PTDSS1: variants seen among roughly 807,000 people sequenced by gnomAD.
PTDSS1 encodes PSS-1.
In PTDSS1, 45 loss-of-function variants were observed where a neutral mutation model predicts 70.5. The ratio of observed to expected loss-of-function variants is 0.64; its 90% CI spans 0.50 to 0.82. PTDSS1 has a LOEUF of 0.82. PTDSS1 is among the 40% of genes least tolerant of loss of function. The probability of loss-of-function intolerance (pLI) is 0.00; values close to 1 mark genes in which losing one functional copy is unlikely to be tolerated. For missense variants in PTDSS1, 417 were observed against 586.1 expected (o/e 0.71, Z 2.98); for synonymous variants, 188 against 203.8 (o/e 0.92, Z 0.66).
intron 9 of PTDSS1, among the ~76,000 whole-genome samples, chr8:96,319,018 A>G (rs950971732): frequency 2.1e-5 from 3 of 142,532 alleles, no homozygotes; most frequent in African/African-American, 7.9e-5. Flanking sequence ...GGCTCAAGTG[A>G]TTCTCCTGCC....
At chr8:96,263,790 C>T (rs1810448743) in intron 1 of PTDSS1, among the ~76,000 whole-genome samples, 4 of 152,220 alleles carry the variant, frequency 2.6e-5, no homozygotes, top group South Asian at 4.1e-4. Flanking sequence ...TTGTCTTCTA[C>T]ACAGTCGTTT....
chr8:96,319,965 G>A (rs959327881), intron 9 of PTDSS1, among the ~76,000 whole-genome samples: 2 of 152,210 alleles, frequency 1.3e-5, no homozygotes, highest in Admixed American at 1.3e-4. Context: ...CCTTATGGCA[G>A]TGGAGGTGCT....
chr8:96,307,630 A>G (rs115919936), intron 8 of PTDSS1, among the ~76,000 whole-genome samples: 214 of 152,230 alleles, frequency 1.4e-3, no homozygotes, highest in African/African-American at 4.4e-3. Flanking sequence ...TTAGTGGTCT[A>G]TTGCAGTCAT....
At chr8:96,299,566 A>T in intron 5 of PTDSS1, 128 bp from the exon 6 acceptor site, 2 of 1,026,130 alleles carry the variant, frequency 1.9e-6, no homozygotes, top group Non-Finnish European at 2.8e-6. Context: ...TATTTTCTGT[A>T]CATTAGGAAA....
Position 96,288,469 on chromosome 8 carries a change from C to T in PTDSS1, c.441+1323C>T, listed in dbSNP as rs187325313. 4.4e-3 allele frequency among the ~76,000 whole-genome samples: 668 copies of T among 152,028 alleles called. 6 individuals carry two copies. The highest frequency in any genetic ancestry group is 5.9e-3 in the Non-Finnish European group (402 of 67,962). On this transcript the variant is annotated intron_variant, in intron 4 of 12. Coordinates refer to ENST00000517309, the MANE Select transcript of PTDSS1 (RefSeq NM_014754.3). ...CCTCCCGAATAGCTAGGATTACAGG[C>T]GCCTGCCACTACACCCGGCTAACTT...
At chr8:96,298,786 G>T (rs182128606) in intron 5 of PTDSS1, among the ~76,000 whole-genome samples, 7 of 152,066 alleles carry the variant, frequency 4.6e-5, no homozygotes, top group Non-Finnish European at 7.4e-5. Context: ...ATAAACATCT[G>T]ATCCCAGCAC....
intron 5 of PTDSS1, among the ~76,000 whole-genome samples, chr8:96,296,640 G>A (rs1325347823): frequency 6.6e-6 from 1 of 152,148 alleles, no homozygotes; most frequent in Non-Finnish European, 1.5e-5. Flanking sequence ...CAATTCAACC[G>A]ATCCATAATA....
At chr8:96,310,167 C>CT (rs1365223934) in intron 9 of PTDSS1, among the ~76,000 whole-genome samples, 7 of 130,914 alleles carry the variant, frequency 5.3e-5, no homozygotes, top group African/African-American at 2.1e-4. Context: ...ATGGATCTCT[C>CT]TCTTTTTTTT....
intron 7 of PTDSS1, among the ~76,000 whole-genome samples, chr8:96,304,698 T>C (rs1275620686): frequency 6.6e-6 from 1 of 152,228 alleles, no homozygotes; most frequent in African/African-American, 2.4e-5. Context: ...AGTGGCCCAC[T>C]TCACGACGGA....
Position 96,261,942 on chromosome 8 carries a change from T to A in PTDSS1, c.-99T>A. The A allele has an allele frequency of 7.7e-7, 1 of 1,302,686 alleles. No homozygotes were observed. The highest frequency in any genetic ancestry group is 1.0e-6 in the Non-Finnish European group (1 of 957,358). The allele number at this position is 1,302,686 out of a possible 1,614,324, so 80.7% of individuals were successfully genotyped here. ...CTTTGCTGGGCGCCAGACCCGGCTTTGCCGTCCGGCTATTAGCCTACTGTG... is the reference window on the plus strand; with the variant it reads ...CTTTGCTGGGCGCCAGACCCGGCTTAGCCGTCCGGCTATTAGCCTACTGTG... On this transcript the variant is annotated 5_prime_UTR_variant, in exon 1 of 13. Transcript: ENST00000517309.
At chr8:96,304,244 A>C in intron 7 of PTDSS1, 63 bp downstream of exon 7, 1 of 1,517,068 alleles carries the variant, frequency 6.6e-7, no homozygotes, top group Non-Finnish European at 8.9e-7. Flanking sequence ...ACTTTTTAGG[A>C]ATTTAGAGTT....
chr8:96,285,827 A>C (rs1051939460), intron 3 of PTDSS1, among the ~76,000 whole-genome samples: 5 of 152,156 alleles, frequency 3.3e-5, no homozygotes, highest in African/African-American at 1.2e-4. Flanking sequence ...TTTCTGTCCT[A>C]ATGTAATTAT....
intron 6 of PTDSS1, among the ~76,000 whole-genome samples, chr8:96,301,560 C>T (rs908701710): frequency 5.9e-5 from 9 of 151,854 alleles, no homozygotes; most frequent in African/African-American, 1.9e-4. Flanking sequence ...ACTCTTGTTG[C>T]CCAGGCTGGA....
At chr8:96,303,979 G>T (rs889343238) in intron 6 of PTDSS1, 61 bp from the exon 7 acceptor site, 19 of 1,500,616 alleles carry the variant, frequency 1.3e-5, no homozygotes, top group South Asian at 1.0e-4. Flanking sequence ...TTTTTTTCTT[G>T]TGCTTTGTTT....
chr8:96,310,290 A>G (rs1811190209), intron 9 of PTDSS1, among the ~76,000 whole-genome samples: 1 of 148,092 alleles, frequency 6.8e-6, no homozygotes, highest in South Asian at 2.1e-4. Flanking sequence ...TCAGCCTCCC[A>G]AGTAGCTGGG....
chr8:96,271,517 A>G (rs1810565801), intron 1 of PTDSS1, among the ~76,000 whole-genome samples: 1 of 152,208 alleles, frequency 6.6e-6, no homozygotes, highest in East Asian at 1.9e-4. Flanking sequence ...AATCTGGGAT[A>G]TATGTCATTT....
At chr8:96,307,449 C>CA (rs56284473) in intron 8 of PTDSS1, among the ~76,000 whole-genome samples, 853 of 50,640 alleles carry the variant, frequency 0.017, 68 homozygotes, top group East Asian at 0.035. Context: ...TCAATATTAC[C>CA]AAAAAAAAAA....
chr8:96,330,955 C>A, intron 11 of PTDSS1, 71 bp from the exon 12 acceptor site: 2 of 1,347,702 alleles, frequency 1.5e-6, no homozygotes, highest in South Asian at 1.2e-5. Context: ...GCAGCATGCT[C>A]GCCTTTTTGC....
rs1158292212 is a variant in PTDSS1, at chr8:96,335,969, G to A, written c.*2403G>A. ...GTTTTGGACCTAAAGCTTGAAGAAC[G>A]GTTTATGTATTTTTCTCCTTAAGTA... On this transcript the variant is annotated 3_prime_UTR_variant, in exon 13 of 13. Coordinates refer to ENST00000517309, the MANE Select transcript of PTDSS1 (RefSeq NM_014754.3). 2 of 152,084 alleles carry A rather than the reference G, an allele frequency of 1.3e-5. No individual in the cohort carries two copies. Among genetic ancestry groups the A allele is most frequent in the Non-Finnish European group, 2.9e-5 (2 of 68,018 alleles). 9.4% of individuals were successfully genotyped at this position (152,084 alleles called of 1,614,324 possible).
Sources: gnomAD v4.1 joint callset for allele counts (sites outside exome capture counted in the v4.1 genomes callset) on GRCh38, gnomAD v4.1.1 for gene constraint, MANE v1.5 for transcripts, NCBI Gene and HGNC (gene_info 2026-07-23, HGNC 2026-07-21) for gene names.